Variants in SLC4A4 observed in about 807,000 individuals in gnomAD.
The protein encoded by SLC4A4 is electrogenic sodium bicarbonate cotransporter 1.
SLC4A4 carries 27 observed loss-of-function variants against 111.5 expected under a neutral mutation model. The observed-to-expected ratio is 0.24, with a 90% CI of 0.18 to 0.33. SLC4A4 has a LOEUF of 0.33. Among genes scored for constraint, SLC4A4 ranks in the 10% least tolerant of loss-of-function variants. The pLI, the probability that SLC4A4 is intolerant of heterozygous loss-of-function variation, is 1.00. For synonymous variants in SLC4A4, 443 were observed against 463.4 expected (o/e 0.96, Z 0.57); for missense variants, 909 against 1,315.5 (o/e 0.69, Z 4.78).
At chr4:71,514,739 ATTT>A (rs2149180949) in intron 16 of SLC4A4, among the ~76,000 whole-genome samples, 1 of 152,238 alleles carries the variant, frequency 6.6e-6, no homozygotes, top group East Asian at 1.9e-4. Context: ...GTTTCCAGGA[ATTT>A]ATCCATTTCC....
intron 7 of SLC4A4, among the ~76,000 whole-genome samples, chr4:71,405,751 T>C (rs1579026181): frequency 6.6e-6 from 1 of 152,324 alleles, no homozygotes; most frequent in Non-Finnish European, 1.5e-5. Context: ...TATGTTTCAC[T>C]CCACTAAAAG....
At chr4:71,401,178 A>G (rs1297678139) in intron 7 of SLC4A4, among the ~76,000 whole-genome samples, 3 of 152,230 alleles carry the variant, frequency 2.0e-5, no homozygotes, top group Non-Finnish European at 2.9e-5. Flanking sequence ...TAGTGACAGA[A>G]TTTGAGGGCA....
At chr4:71,238,038 T>C (rs1248295501) in intron 2 of SLC4A4, among the ~76,000 whole-genome samples, 1 of 152,084 alleles carries the variant, frequency 6.6e-6, no homozygotes, top group Non-Finnish European at 1.5e-5. Flanking sequence ...TGTCCCAGTG[T>C]CAAAGAGGAG....
intron 2 of SLC4A4, among the ~76,000 whole-genome samples, chr4:71,162,302 C>T (rs544743558): frequency 1.3e-5 from 2 of 152,176 alleles, no homozygotes; most frequent in African/African-American, 4.8e-5. Flanking sequence ...AGTAGGAGAG[C>T]CATGCTTTGA....
intron 1 of SLC4A4, among the ~76,000 whole-genome samples, chr4:71,080,173 A>C (rs560844984): frequency 6.6e-6 from 1 of 152,094 alleles, no homozygotes; most frequent in African/African-American, 2.4e-5. Context: ...GCATGCAAGC[A>C]TCTCTCCTGG....
At chr4:71,270,655 A>G (rs1228428293) in intron 3 of SLC4A4, among the ~76,000 whole-genome samples, 2 of 152,204 alleles carry the variant, frequency 1.3e-5, no homozygotes, top group Non-Finnish European at 2.9e-5. Flanking sequence ...AACATCCCCT[A>G]CTCTGACTCA....
chr4:71,097,481 A>T (rs1742592911), intron 2 of SLC4A4, among the ~76,000 whole-genome samples: 1 of 152,162 alleles, frequency 6.6e-6, no homozygotes, highest in Non-Finnish European at 1.5e-5. Context: ...GCTGCAATAA[A>T]CATTTGCATG....
intron 3 of SLC4A4, among the ~76,000 whole-genome samples, chr4:71,338,552 GTCT>G (rs967959400): frequency 2.2e-4 from 31 of 143,480 alleles, no homozygotes; most frequent in South Asian, 6.6e-4. Flanking sequence ...TTCTTTCGTC[GTCT>G]TCTTCTTCTT....
chr4:71,080,990 C>T (rs1741980953), intron 1 of SLC4A4, among the ~76,000 whole-genome samples: 1 of 152,082 alleles, frequency 6.6e-6, no homozygotes, highest in Non-Finnish European at 1.5e-5. Flanking sequence ...CCTTCCTTTA[C>T]TAAAACTCCT....
chr4:71,150,880 T>C (rs1248997099), intron 2 of SLC4A4, among the ~76,000 whole-genome samples: 1 of 152,128 alleles, frequency 6.6e-6, no homozygotes, highest in East Asian at 1.9e-4. Flanking sequence ...AATCTGGGGA[T>C]GTTTGTAGAA....
intron 25 of SLC4A4, among the ~76,000 whole-genome samples, chr4:71,567,502 T>C (rs1737591846): frequency 6.6e-6 from 1 of 151,814 alleles, no homozygotes; most frequent in African/African-American, 2.4e-5. Context: ...TCCTTTAATT[T>C]CTGACAGCAT....
Position 71,569,621 on chromosome 4 carries a change from T to C in SLC4A4, c.*1870T>C, listed in dbSNP as rs529195414. The C allele has an allele frequency of 2.1e-4, 32 of 151,792 alleles. 1 individual carries two copies. The highest frequency in any genetic ancestry group is 7.7e-4 in the African/African-American group (32 of 41,474). 9.4% of individuals were successfully genotyped at this position (151,792 alleles called of 1,614,324 possible). ...TTTCAGATTCATATAACCACAACTGTGATATATCCTAACTATAACCAGTTG... is the reference window on the plus strand; with the variant it reads ...TTTCAGATTCATATAACCACAACTGCGATATATCCTAACTATAACCAGTTG... On this transcript the variant is annotated 3_prime_UTR_variant, in exon 26 of 26. Transcript: ENST00000264485.
intron 16 of SLC4A4, among the ~76,000 whole-genome samples, chr4:71,508,189 G>C (rs921249997): frequency 2.6e-5 from 4 of 152,012 alleles, no homozygotes; most frequent in African/African-American, 4.8e-5. Flanking sequence ...GGAGAACCAA[G>C]AGCAAACAAA....
intron 21 of SLC4A4, among the ~76,000 whole-genome samples, chr4:71,555,587 A>G (rs1002743324): frequency 3.3e-5 from 5 of 151,922 alleles, no homozygotes; most frequent in African/African-American, 1.2e-4. Context: ...TTAACTCTAT[A>G]CTAAAAACAG....
chr4:71,139,321 A>C (rs186142433), intron 2 of SLC4A4, among the ~76,000 whole-genome samples: 4 of 151,780 alleles, frequency 2.6e-5, no homozygotes, highest in Admixed American at 6.6e-5. Context: ...ACTTTTCTAC[A>C]ATCTTCCTGC....
chr4:71,356,883 A>G, intron 5 of SLC4A4, 125 bp from the exon 6 acceptor site: 1 of 866,440 alleles, frequency 1.2e-6, no homozygotes, highest in Non-Finnish European at 1.8e-6. Context: ...AAAATGGGAA[A>G]TTAGAAATTT....
intron 2 of SLC4A4, among the ~76,000 whole-genome samples, chr4:71,116,481 T>C (rs537216172): frequency 9.2e-5 from 14 of 152,348 alleles, no homozygotes; most frequent in African/African-American, 3.1e-4. Context: ...TGGAATTCTG[T>C]AATCATTTTC....
rs765571280 is a variant in SLC4A4, at chr4:71,497,533, G to C, written c.2007G>C (p.Leu669Phe). 1 of 1,613,286 alleles carries C rather than the reference G, an allele frequency of 6.2e-7. No individual in the cohort carries two copies. Among genetic ancestry groups the C allele is most frequent in the African/African-American group, 1.3e-5 (1 of 74,860 alleles). Residue 669 changes from leucine to phenylalanine, a missense_variant, in exon 16 of 26, where the codon TTG (leucine) becomes TTC (phenylalanine). Physicochemically the swap from Leu to Phe is conservative, Grantham distance 22. Coordinates refer to ENST00000264485, the MANE Select transcript of SLC4A4 (RefSeq NM_001098484.3). ...ATACTACCTTTGACTGGGCATTTTT[G>C]TCGAAGAAGGAGTGTTCAAAATACG... ...YHNTTFDWAF[L>F]SKKECSKYGG... is the part of the protein sequence containing the mutation.
intron 1 of SLC4A4, among the ~76,000 whole-genome samples, chr4:71,225,712 C>G (rs370672399): frequency 1.1e-3 from 166 of 152,234 alleles, no homozygotes; most frequent in African/African-American, 3.8e-3. Flanking sequence ...GGGGGCTGTA[C>G]ATGATCAGGT....
Sources: allele counts gnomAD v4.1 joint callset (sites outside exome capture counted in the v4.1 genomes callset), GRCh38; gene constraint gnomAD v4.1.1; transcripts MANE v1.5; gene names NCBI Gene and HGNC (gene_info 2026-07-23, HGNC 2026-07-21).